The following HDAC9 variants were observed in gnomAD, a reference collection of about 807,000 sequenced individuals.
The protein encoded by HDAC9 is histone deacetylase 9.
In HDAC9, 41 loss-of-function variants were observed where a neutral mutation model predicts 139.4. That is an observed-to-expected ratio of 0.29 (90% confidence interval 0.23 to 0.38). The LOEUF is 0.38. Ranked by LOEUF, HDAC9 falls within the 10% of genes least tolerant of loss-of-function variation. The pLI, the probability that HDAC9 is intolerant of heterozygous loss-of-function variation, is 1.00. For missense variants in HDAC9, 1,147 were observed against 1,297.0 expected, an observed-to-expected ratio of 0.88 and a Z score of 1.78; for synonymous variants, 517 against 476.2, an observed-to-expected ratio of 1.09 and a Z score of -1.12.
At chr7:18,538,961 G>A (rs1178909035) in intron 2 of HDAC9, among the ~76,000 whole-genome samples, 1 of 152,066 alleles carries the variant, frequency 6.6e-6, no homozygotes, top group African/African-American at 2.4e-5. Context: ...ATGATGAGAG[G>A]GCAAGAGCAT....
chr7:18,415,129 T>G (rs1163565326), intron 1 of HDAC9, among the ~76,000 whole-genome samples: 1 of 152,218 alleles, frequency 6.6e-6, no homozygotes, highest in Non-Finnish European at 1.5e-5. Context: ...TGGTCAAAAC[T>G]GAGGTGAGAA....
chr7:18,939,543 G>A (rs982773662), intron 23 of HDAC9, among the ~76,000 whole-genome samples: 2 of 151,958 alleles, frequency 1.3e-5, no homozygotes, highest in African/African-American at 4.8e-5. Context: ...TCCAAGGCCT[G>A]GTTTTCTGTA....
chr7:18,667,286 C>A (rs1347168043), intron 12 of HDAC9: 2 of 984,634 alleles, frequency 2.0e-6, no homozygotes, highest in Non-Finnish European at 2.4e-6. Context: ...CAATCAGATA[C>A]AATATTGTGT....
rs117108368 is a variant in HDAC9 at position 18,874,363 on chromosome 7, C to A, written c.2685-115C>A. ...GTCCCATTCAAATAATGTTTTTATT[C>A]CCCTTTTCTTTATTCTTGGGAGGTT... On this transcript the variant is annotated intron_variant, in intron 21 of 25. Transcript: ENST00000686413. 1.4e-4 allele frequency: 79 copies of A among 547,994 alleles called. No individual in the cohort carries two copies. The East Asian group carries it at 2.2e-3, about 15-fold the overall frequency. The allele number at this position is 547,994 out of a possible 1,614,324, so 33.9% of individuals were successfully genotyped here. A position where few individuals can be genotyped will look rare whatever the true frequency, so the allele number is the denominator to read the frequency against.
At chr7:18,355,739 C>A (rs1438789790) in intron 1 of HDAC9, among the ~76,000 whole-genome samples, 1 of 152,042 alleles carries the variant, frequency 6.6e-6, no homozygotes, top group Non-Finnish European at 1.5e-5. Context: ...GGATTTAACC[C>A]CCATTTCGTG....
intron 12 of HDAC9, among the ~76,000 whole-genome samples, chr7:18,715,826 C>T (rs928220227): frequency 6.6e-6 from 1 of 151,918 alleles, no homozygotes; most frequent in Non-Finnish European, 1.5e-5. Flanking sequence ...AATTAATGAC[C>T]TCTGATGAAA....
intron 1 of HDAC9, among the ~76,000 whole-genome samples, chr7:18,438,693 C>CTG (rs367824633): frequency 1.1e-4 from 16 of 147,602 alleles, no homozygotes; most frequent in Admixed American, 3.4e-4. Flanking sequence ...TATAATGTGT[C>CTG]TGTGTGTGTG....
intron 22 of HDAC9, among the ~76,000 whole-genome samples, chr7:18,894,206 A>G (rs920142228): frequency 6.6e-6 from 1 of 152,090 alleles, no homozygotes; most frequent in Admixed American, 6.6e-5. Flanking sequence ...GCTGAGAGTT[A>G]AATTTAGTTG....
At chr7:18,671,563 T>A (rs1384994505) in intron 12 of HDAC9, among the ~76,000 whole-genome samples, 1 of 152,028 alleles carries the variant, frequency 6.6e-6, no homozygotes, top group Non-Finnish European at 1.5e-5. Flanking sequence ...CTTCTGCATT[T>A]TAACTCAAGT....
At chr7:18,627,342 T>C (rs147988511) in intron 6 of HDAC9, among the ~76,000 whole-genome samples, 1 of 152,338 alleles carries the variant, frequency 6.6e-6, no homozygotes, top group African/African-American at 2.4e-5. Flanking sequence ...GTTCTGAGAA[T>C]CTATGATTTC....
At position 18,194,605 on chromosome 7, in the gene HDAC9, A is replaced by G. The variant is rs142668493; in HGVS notation, c.25+32256A>G. 4.7e-3 allele frequency among the ~76,000 whole-genome samples: 714 copies of G among 152,314 alleles called. 3 individuals carry two copies. The highest frequency in any genetic ancestry group is 0.017 in the African/African-American group (695 of 41,572). Reference sequence around the variant, plus strand: ...CTAACCCCTTTTTTCCCACAACACTAGTAACACTTCTTGAATCATCTAATC... The same window carrying G: ...CTAACCCCTTTTTTCCCACAACACTGGTAACACTTCTTGAATCATCTAATC... On this transcript the variant is annotated intron_variant, in intron 2 of 12. Coordinates refer to the HDAC9 transcript ENST00000417496.
chr7:18,246,456 C>G (rs1004616554), intron 2 of HDAC9, among the ~76,000 whole-genome samples: 1 of 151,990 alleles, frequency 6.6e-6, no homozygotes, highest in African/African-American at 2.4e-5. Context: ...CTGCCTAGTT[C>G]CAGAACATTT....
At position 18,451,385 on chromosome 7, in the gene HDAC9, G is replaced by GTGTGTATATATATA. The variant is rs1331350273; in HGVS notation, c.-41-44872_-41-44871insATATATATATGTGT. 1.5e-3 allele frequency among the ~76,000 whole-genome samples: 199 copies of GTGTGTATATATATA among 136,398 alleles called. 2 individuals are homozygous for GTGTGTATATATATA. Among genetic ancestry groups the GTGTGTATATATATA allele is most frequent in the African/African-American group, 4.9e-3 (186 of 37,868 alleles). The allele number at this position is 136,398 out of a possible 152,430, so 89.5% of individuals were successfully genotyped here. A position where few individuals can be genotyped will look rare whatever the true frequency, so the allele number is the denominator to read the frequency against. On this transcript the variant is annotated intron_variant, in intron 1 of 3. Coordinates refer to the HDAC9 transcript ENST00000413509. ...TATATGTGCGTGTGTGTGTGTGTGT[G>GTGTGTATATATATA]TGTGTGTGTGTGTGTGTATATATGT...
At chr7:18,691,936 G>T (rs1017498243) in intron 12 of HDAC9, among the ~76,000 whole-genome samples, 1 of 151,988 alleles carries the variant, frequency 6.6e-6, no homozygotes, top group Non-Finnish European at 1.5e-5. Context: ...ACAACATAAA[G>T]AAAAGAGGGC....
chr7:18,180,969 A>G (rs1034069396), intron 2 of HDAC9, among the ~76,000 whole-genome samples: 2 of 152,012 alleles, frequency 1.3e-5, no homozygotes, highest in Non-Finnish European at 2.9e-5. Flanking sequence ...TTGGGGTCAC[A>G]TTGCCTTCTT....
At chr7:18,138,527 GGT>G (rs71014309) in intron 1 of HDAC9, among the ~76,000 whole-genome samples, 677 of 142,586 alleles carry the variant, frequency 4.7e-3, no homozygotes, top group African/African-American at 0.011. Context: ...GAGAGAGAGA[GGT>G]GTGTGTGTGT....
chr7:18,792,889 G>T (rs1268671145), intron 16 of HDAC9, among the ~76,000 whole-genome samples: 1 of 152,136 alleles, frequency 6.6e-6, no homozygotes, highest in Non-Finnish European at 1.5e-5. Context: ...CTGTAAACCT[G>T]CAGTCAGAAA....
chr7:18,172,974 G>A (rs1271527033), intron 2 of HDAC9, among the ~76,000 whole-genome samples: 2 of 152,112 alleles, frequency 1.3e-5, no homozygotes, highest in East Asian at 3.8e-4. Flanking sequence ...GGTCTGCTTG[G>A]TGCAGAGCTG....
chr7:18,702,080 A>G (rs1783534359), intron 12 of HDAC9, among the ~76,000 whole-genome samples: 1 of 151,578 alleles, frequency 6.6e-6, no homozygotes, highest in Admixed American at 6.6e-5. Context: ...GCCAGGCACC[A>G]TTTGGAAGCA....
Sources: allele counts gnomAD v4.1 joint callset (sites outside exome capture counted in the v4.1 genomes callset), GRCh38; gene constraint gnomAD v4.1.1; transcripts MANE v1.5; gene names NCBI Gene and HGNC (gene_info 2026-07-23, HGNC 2026-07-21).